The following PANX1 variants were observed in gnomAD, a reference collection of about 807,000 sequenced individuals.
The protein encoded by PANX1 is pannexin 1, also known as pannexin-1.
In PANX1, 30 loss-of-function variants were observed where a neutral mutation model predicts 38.7. The observed-to-expected ratio is 0.78, with a 90% CI of 0.58 to 1.05. The LOEUF (loss-of-function observed/expected upper bound fraction) is 1.05, where lower values mean the gene tolerates loss of function less well. PANX1 is among the 50% of genes least tolerant of loss of function. The pLI is 0.00. For synonymous variants in PANX1, 230 were observed against 212.2 expected, an observed-to-expected ratio of 1.08 and a Z score of -0.73; for missense variants, 551 against 517.2, an observed-to-expected ratio of 1.07 and a Z score of -0.63.
rs963563792 is a variant in PANX1 at position 94,181,891 on chromosome 11, G to A, written c.*1022G>A. On this transcript the variant is annotated 3_prime_UTR_variant, in exon 5 of 5. Transcript: ENST00000227638. Reference sequence around the variant, plus strand: ...ATTCATTATCGTTTATTCAGTGTCCGAATTGAGGCCATTTGGGAAGAAAAT... The same window carrying A: ...ATTCATTATCGTTTATTCAGTGTCCAAATTGAGGCCATTTGGGAAGAAAAT... The A allele has an allele frequency of 6.6e-6, 1 of 152,158 alleles. No homozygotes were observed. Among genetic ancestry groups the A allele is most frequent in the Non-Finnish European group, 1.5e-5 (1 of 68,032 alleles). 9.4% of individuals were successfully genotyped at this position (152,158 alleles called of 1,614,324 possible). A position where few individuals can be genotyped will look rare whatever the true frequency, so the allele number is the denominator to read the frequency against.
intron 1 of PANX1, among the ~76,000 whole-genome samples, chr11:94,151,014 G>T (rs1946878043): frequency 6.6e-6 from 1 of 152,188 alleles, no homozygotes. Context: ...ACTAGCTTGG[G>T]TAGGGGATTA....
chr11:94,161,123 G>C (rs1381291701), intron 2 of PANX1, among the ~76,000 whole-genome samples: 1 of 152,134 alleles, frequency 6.6e-6, no homozygotes, highest in East Asian at 1.9e-4. Context: ...TCCCTTGGTG[G>C]GTAACCCCAC....
At chr11:94,176,434 A>G (rs914821538) in intron 2 of PANX1, among the ~76,000 whole-genome samples, 1 of 151,628 alleles carries the variant, frequency 6.6e-6, no homozygotes, top group Non-Finnish European at 1.5e-5. Flanking sequence ...GTAGGGGAAA[A>G]ACTACTACTG....
intron 4 of PANX1, 30 bp from the exon 5 acceptor site, chr11:94,180,760 G>T (rs753296169): frequency 1.7e-6 from 2 of 1,190,696 alleles, no homozygotes; most frequent in South Asian, 2.4e-5. Flanking sequence ...CTATGTTTCT[G>T]TCATAAATAT....
At chr11:94,140,575 G>A (rs548156633) in intron 1 of PANX1, among the ~76,000 whole-genome samples, 3 of 152,226 alleles carry the variant, frequency 2.0e-5, no homozygotes, top group Admixed American at 6.5e-5. Context: ...TCATTTAACC[G>A]TCTGTTTATG....
intron 1 of PANX1, among the ~76,000 whole-genome samples, chr11:94,145,800 G>A (rs1946822722): frequency 6.6e-6 from 1 of 152,226 alleles, no homozygotes; most frequent in Non-Finnish European, 1.5e-5. Context: ...AATAACTATA[G>A]ATACTGTTGG....
intron 1 of PANX1, among the ~76,000 whole-genome samples, chr11:94,130,806 T>G (rs73555249): frequency 1.4e-3 from 213 of 152,120 alleles, no homozygotes; most frequent in African/African-American, 4.9e-3. Flanking sequence ...GAGTGTGGTG[T>G]TGGTGGTGAT....
At chr11:94,143,048 T>G (rs887254377) in intron 1 of PANX1, among the ~76,000 whole-genome samples, 1 of 152,260 alleles carries the variant, frequency 6.6e-6, no homozygotes, top group Non-Finnish European at 1.5e-5. Context: ...CATGACCAGT[T>G]GTCTACATAA....
chr11:94,163,437 A>G (rs1947070655), intron 2 of PANX1, among the ~76,000 whole-genome samples: 1 of 152,062 alleles, frequency 6.6e-6, no homozygotes, highest in African/African-American at 2.4e-5. Flanking sequence ...TCATGAAGGG[A>G]TGTTGACTGT....
chr11:94,179,139 C>G (rs143310346), intron 3 of PANX1, among the ~76,000 whole-genome samples: 1 of 152,310 alleles, frequency 6.6e-6, no homozygotes, highest in Non-Finnish European at 1.5e-5. Flanking sequence ...CTTTAACCCT[C>G]AGAGCAACAT....
At chr11:94,144,870 C>A (rs947013683) in intron 1 of PANX1, among the ~76,000 whole-genome samples, 1 of 152,074 alleles carries the variant, frequency 6.6e-6, no homozygotes, top group Non-Finnish European at 1.5e-5. Context: ...TTTATTTCTC[C>A]TCTGTAAAAT....
At chr11:94,135,186 C>T (rs1049366812) in intron 1 of PANX1, among the ~76,000 whole-genome samples, 2 of 152,096 alleles carry the variant, frequency 1.3e-5, no homozygotes, top group East Asian at 1.9e-4. Context: ...TCTGGTCAGC[C>T]GGGGACCCTG....
Position 94,170,875 on chromosome 11 carries a change from A to T in PANX1, c.322-7494A>T, listed in dbSNP as rs999210651. ...TCAACACAAGGAGAGTCTTTCTGGC[A>T]CAATTGCTGTCCAGCAGGGGAGCCC... is the stretch of plus-strand genomic sequence containing the variant. On this transcript the variant is annotated intron_variant, in intron 2 of 4. Coordinates refer to ENST00000227638, the MANE Select transcript of PANX1 (RefSeq NM_015368.4). 2.0e-5 allele frequency among the ~76,000 whole-genome samples: 3 copies of T among 151,780 alleles called. 1 individual carries two copies. The highest frequency in any genetic ancestry group is 2.0e-4 in the Admixed American group (3 of 15,270).
chr11:94,168,899 A>C (rs1261294332), intron 2 of PANX1, among the ~76,000 whole-genome samples: 1 of 151,630 alleles, frequency 6.6e-6, no homozygotes, highest in Non-Finnish European at 1.5e-5. Flanking sequence ...ACATGGGAAG[A>C]TGAGAGAAAG....
chr11:94,143,987 A>G (rs115053064), intron 1 of PANX1, among the ~76,000 whole-genome samples: 1,820 of 152,212 alleles, frequency 0.012, 46 homozygotes, highest in African/African-American at 0.042. Flanking sequence ...GGCCTCAAGC[A>G]GTCCTCCCAA....
intron 1 of PANX1, among the ~76,000 whole-genome samples, chr11:94,138,814 T>C (rs1946728937): frequency 6.6e-6 from 1 of 152,228 alleles, no homozygotes; most frequent in Admixed American, 6.5e-5. Flanking sequence ...ACCTTTACAG[T>C]ATAAGTTTTG....
Position 94,180,285 on chromosome 11 carries a change from G to A in PANX1, c.1201+28G>A, listed in dbSNP as rs367764028. ...AGGGTTTGCTTTTGGCAGAGGCTAC[G>A]GGAGTCTACCGAGAGCCTTTGCAGC... On this transcript the variant is annotated intron_variant, in intron 4 of 4. Coordinates refer to ENST00000227638, the MANE Select transcript of PANX1 (RefSeq NM_015368.4). The A allele has an allele frequency of 2.5e-5, 38 of 1,538,188 alleles. No individual in the cohort carries two copies. The African/African-American group carries it at 2.8e-4, about 11-fold the overall frequency.
chr11:94,153,417 A>G (rs183310651), intron 1 of PANX1, 74 bp from the exon 2 acceptor site: 17 of 1,534,490 alleles, frequency 1.1e-5, no homozygotes, highest in Non-Finnish European at 1.5e-5. Context: ...AGACAAAACT[A>G]AAAACATGTG....
At chr11:94,171,982 T>C (rs926128267) in intron 2 of PANX1, among the ~76,000 whole-genome samples, 3 of 150,934 alleles carry the variant, frequency 2.0e-5, no homozygotes, top group Non-Finnish European at 2.9e-5. Context: ...GTAAGATTTC[T>C]CTCTGAAACA....
Sources: gnomAD v4.1 joint callset for allele counts (sites outside exome capture counted in the v4.1 genomes callset) on GRCh38, gnomAD v4.1.1 for gene constraint, MANE v1.5 for transcripts, NCBI Gene and HGNC (gene_info 2026-07-23, HGNC 2026-07-21) for gene names.